HS1BP3: variants seen among roughly 807,000 people sequenced by gnomAD.
The protein encoded by HS1BP3 is HCLS1 binding protein 3.
Under a neutral mutation model 33.5 loss-of-function variants are expected in HS1BP3, and 32 were observed. The observed-to-expected ratio is 0.95, with a 90% CI of 0.72 to 1.28. The LOEUF is 1.28. Among genes scored for constraint, HS1BP3 ranks in the 50% most tolerant of loss-of-function variants. The pLI is 0.00. For synonymous variants in HS1BP3, 187 were observed against 209.2 expected (o/e 0.89, Z 0.92); for missense variants, 486 against 502.3 (o/e 0.97, Z 0.31).
At chr2:20,575,772 C>CAT (rs1693385535) in intron 5 of HS1BP3, among the ~76,000 whole-genome samples, 2 of 149,282 alleles carry the variant, frequency 1.3e-5, no homozygotes, top group Non-Finnish European at 1.5e-5. Flanking sequence ...CCCCCCCCCC[C>CAT]CCTTCAGGCT....
chr2:20,557,680 G>A (rs1430178244), downstream of HS1BP3, among the ~76,000 whole-genome samples: 1 of 152,232 alleles, frequency 6.6e-6, no homozygotes, highest in Non-Finnish European at 1.5e-5. Context: ...AGAAAGGCAA[G>A]GAGGGTGCTC....
In HS1BP3 at chr2:20,569,819, C is replaced by T. The variant is rs144509613; in HGVS notation, c.303-9304G>A. Among the ~76,000 whole-genome samples the T allele has an allele frequency of 2.8e-3, 429 of 152,374 alleles. 1 individual carries two copies. Among genetic ancestry groups the T allele is most frequent in the African/African-American group, 8.7e-3 (363 of 41,592 alleles). On this transcript the variant is annotated intron_variant, in intron 5 of 5. Transcript: ENST00000446825. ...GTATCCAGGAAGCCCAAGCCTCACA[C>T]ATTCCCTGAACCTTGCCCTGCTTCC...
downstream of HS1BP3, among the ~76,000 whole-genome samples, chr2:20,555,814 G>C (rs1237306523): frequency 6.6e-6 from 1 of 152,054 alleles, no homozygotes; most frequent in African/African-American, 2.4e-5. Flanking sequence ...AATGCAATGG[G>C]CTTCTTGATC....
intron 4 of HS1BP3, among the ~76,000 whole-genome samples, chr2:20,629,093 C>T (rs569581854): frequency 1.3e-5 from 2 of 152,250 alleles, no homozygotes; most frequent in African/African-American, 2.4e-5. Flanking sequence ...TTAAGGTGAT[C>T]GGCTGACAGA....
intron 5 of HS1BP3, among the ~76,000 whole-genome samples, chr2:20,561,133 T>C (rs7571940): frequency 0.14 from 21,494 of 152,224 alleles, 1,705 homozygotes; most frequent in South Asian, 0.29. Flanking sequence ...TGCCTTTGCC[T>C]GGTGGTTTGC....
rs531568150 is a variant in HS1BP3, at chr2:20,611,575, C to T, written c.178+12321G>A. Among the ~76,000 whole-genome samples the T allele has an allele frequency of 5.3e-5, 8 of 152,204 alleles. No homozygotes were observed. The highest frequency in any genetic ancestry group is 7.4e-5 in the Non-Finnish European group (5 of 68,024). ...TGAGCTGGAATGTACTCCCCGCTGC[C>T]GCAGTCCTGTTGACATTATTCCTTG... is the stretch of plus-strand genomic sequence containing the variant. On this transcript the variant is annotated intron_variant, in intron 2 of 3. Coordinates refer to the HS1BP3 transcript ENST00000415264. The surrounding 1 kb of genome is among the most constrained non-coding windows in gnomAD (Gnocchi z 4.9).
chr2:20,619,830 A>G (rs1694540104), intron 6 of HS1BP3, among the ~76,000 whole-genome samples: 1 of 152,212 alleles, frequency 6.6e-6, no homozygotes, highest in Admixed American at 6.5e-5. Context: ...CAGCCAGAGA[A>G]AGAATAACCA....
At chr2:20,583,266 AC>A (rs1693579168) in intron 5 of HS1BP3, among the ~76,000 whole-genome samples, 1 of 152,246 alleles carries the variant, frequency 6.6e-6, no homozygotes, top group African/African-American at 2.4e-5. Flanking sequence ...TGGCTAACTC[AC>A]ATAGAAAAGG....
intron 6 of HS1BP3, among the ~76,000 whole-genome samples, chr2:20,620,802 C>T (rs950064771): frequency 6.6e-6 from 1 of 152,252 alleles, no homozygotes; most frequent in Non-Finnish European, 1.5e-5. Flanking sequence ...TGTCTACTGA[C>T]AGCCACAGGG....
intron 4 of HS1BP3, among the ~76,000 whole-genome samples, chr2:20,625,442 C>T (rs541690094): frequency 1.4e-4 from 21 of 152,368 alleles, no homozygotes; most frequent in East Asian, 7.7e-4. Flanking sequence ...CAGAGAACCA[C>T]ACTCCACAGC....
At chr2:20,563,165 G>A (rs1301035350) in intron 5 of HS1BP3, among the ~76,000 whole-genome samples, 1 of 152,202 alleles carries the variant, frequency 6.6e-6, no homozygotes, top group Non-Finnish European at 1.5e-5. Context: ...GGGGCTACTC[G>A]TCATGCTCAC....
chr2:20,614,140 C>T (rs1003403365), downstream of HS1BP3, among the ~76,000 whole-genome samples: 2 of 152,102 alleles, frequency 1.3e-5, no homozygotes, highest in South Asian at 4.2e-4. Flanking sequence ...TGGGGTGATA[C>T]AGCTATAAAC....
intron 6 of HS1BP3, 28 bp downstream of exon 6, chr2:20,623,868 G>T (rs1343691280): frequency 6.2e-7 from 1 of 1,602,042 alleles, no homozygotes; most frequent in Admixed American, 1.7e-5. Context: ...CTCAGAGCTG[G>T]CCAAGCGCCG....
chr2:20,618,765 T>C lies in HS1BP3; in HGVS notation c.*222A>G, dbSNP rs961202665. On this transcript the variant is annotated 3_prime_UTR_variant, in exon 7 of 7. Transcript: ENST00000304031. ...ACGGGGAATAAGACACATTGGGCTC[T>C]GGCTCCTAGGGTGAGAGCCGCTCCC... 4.4e-6 allele frequency: 6 copies of C among 1,366,812 alleles called. No individual in the cohort carries two copies. Among genetic ancestry groups the C allele is most frequent in the Non-Finnish European group, 5.6e-6 (6 of 1,064,346 alleles). The allele number at this position is 1,366,812 out of a possible 1,614,324, so 84.7% of individuals were successfully genotyped here. A position where few individuals can be genotyped will look rare whatever the true frequency, so the allele number is the denominator to read the frequency against.
At chr2:20,634,943 G>A (rs1050536127) in intron 4 of HS1BP3, 11 of 152,196 alleles carry the variant, frequency 7.2e-5, no homozygotes, top group African/African-American at 2.6e-4. Context: ...GTTCATACAG[G>A]AGCCAGCCTG....
At chr2:20,640,934 C>T (rs761910304) in intron 3 of HS1BP3, 39 bp downstream of exon 3, 51 of 1,599,744 alleles carry the variant, frequency 3.2e-5, no homozygotes, top group Middle Eastern at 1.7e-4. Flanking sequence ...AGTTCTGGGC[C>T]GGGGAGACCT....
rs575493234 is a variant in HS1BP3, at chr2:20,612,324, A to T, written c.178+11572T>A. 7.2e-5 allele frequency among the ~76,000 whole-genome samples: 11 copies of T among 152,328 alleles called. No individual in the cohort carries two copies. In the South Asian group the frequency reaches 2.1e-3, roughly 29 times the overall value. ...AAATTATCCTAACAGTTTTATTGAG[A>T]TATAATTTATATACCGTAAACATCA... On this transcript the variant is annotated intron_variant, in intron 2 of 3. Coordinates refer to the HS1BP3 transcript ENST00000415264.
At chr2:20,637,027 T>TGGG (rs1553322957) in intron 4 of HS1BP3, 1 of 85,320 alleles carries the variant, frequency 1.2e-5, no homozygotes. Context: ...GGGAGGGGGC[T>TGGG]GCCCCCGCCC....
chr2:20,651,070 G>T lies in HS1BP3; in HGVS notation c.-7C>A, dbSNP rs1195873861. On this transcript the variant is annotated 5_prime_UTR_variant, in exon 1 of 7. Transcript: ENST00000304031. ...GCACCGCCGGGGACTGCATGACGGC[G>T]GCGGGGACTCCGGGCGGGGCGCGCA... is the stretch of plus-strand genomic sequence containing the variant. 4 of 1,233,096 alleles carry T rather than the reference G, an allele frequency of 3.2e-6. No individual in the cohort carries two copies. The African/African-American group carries it at 4.6e-5, about 14-fold the overall frequency. 76.4% of individuals were successfully genotyped at this position (1,233,096 alleles called of 1,614,324 possible). A position where few individuals can be genotyped will look rare whatever the true frequency, so the allele number is the denominator to read the frequency against.
Sources: gnomAD v4.1 joint callset for allele counts (sites outside exome capture counted in the v4.1 genomes callset) on GRCh38, gnomAD v4.1.1 for gene constraint, Gnocchi (gnomAD v3.1) non-coding constraint, MANE v1.5 for transcripts, NCBI Gene and HGNC (gene_info 2026-07-23, HGNC 2026-07-21) for gene names.